The following SOX30 variants were observed in gnomAD, a reference collection of about 807,000 sequenced individuals.
The protein encoded by SOX30 is transcription factor SOX-30.
SOX30 carries 17 observed loss-of-function variants against 58.6 expected under a neutral mutation model. The ratio of observed to expected loss-of-function variants is 0.29; its 90% CI spans 0.20 to 0.44. SOX30 has a LOEUF of 0.44. SOX30 is among the 20% of genes least tolerant of loss of function. SOX30 has a pLI of 1.00. For missense variants in SOX30, 951 were observed against 965.8 expected, an observed-to-expected ratio of 0.98 and a Z score of 0.20; for synonymous variants, 421 against 400.2, an observed-to-expected ratio of 1.05 and a Z score of -0.62.
chr5:157,627,050 G>T (rs1158972409), intron 4 of SOX30, among the ~76,000 whole-genome samples: 1 of 152,190 alleles, frequency 6.6e-6, no homozygotes, highest in Non-Finnish European at 1.5e-5. Flanking sequence ...ATGCAGATGT[G>T]TGTTGAGCTA....
At chr5:157,661,652 A>G (rs914593076) in intron 2 of SOX30, among the ~76,000 whole-genome samples, 1 of 152,360 alleles carries the variant, frequency 6.6e-6, no homozygotes, top group East Asian at 1.9e-4. Flanking sequence ...GATTTATTCT[A>G]TTAATATATG....
chr5:157,667,801 G>A lies in SOX30; in HGVS notation c.49C>T (p.Gln17Ter), dbSNP rs1759700930. 1 of 1,534,852 alleles carries A rather than the reference G, an allele frequency of 6.5e-7. No individual in the cohort carries two copies. Among genetic ancestry groups the A allele is most frequent in the South Asian group, 1.2e-5 (1 of 84,022 alleles). The change falls in exon 2 of 6, where the codon CAA becomes TAA. Residue 17 changes from glutamine (Q) to a stop codon, truncating the protein, a stop_gained. Transcript: ENST00000519442. LOFTEE classifies it high-confidence loss of function. ...ACACACACACACACATACAAACCTT[G>A]CTGGATGCACAGTAGACTTTGTTCC... is the stretch of plus-strand genomic sequence containing the variant.
intron 2 of SOX30, among the ~76,000 whole-genome samples, chr5:157,658,683 A>G (rs1759525837): frequency 1.3e-5 from 2 of 152,186 alleles, no homozygotes; most frequent in African/African-American, 2.4e-5. Context: ...CAGAAGATGG[A>G]TTTTCAACCC....
At chr5:157,631,382 AT>A in intron 4 of SOX30, among the ~76,000 whole-genome samples, 1 of 152,184 alleles carries the variant, frequency 6.6e-6, no homozygotes, top group East Asian at 1.9e-4. Flanking sequence ...CTTTTTAATT[AT>A]TTGATTCTAT....
At chr5:157,637,356 T>C (rs1758955856) in intron 4 of SOX30, among the ~76,000 whole-genome samples, 1 of 152,138 alleles carries the variant, frequency 6.6e-6, no homozygotes, top group African/African-American at 2.4e-5. Context: ...GTCTAGTCAT[T>C]TAACCTAGGT....
intron 4 of SOX30, among the ~76,000 whole-genome samples, chr5:157,635,421 C>G (rs912240983): frequency 1.3e-5 from 2 of 151,972 alleles, no homozygotes; most frequent in African/African-American, 4.8e-5. Flanking sequence ...GTCAGGAGTT[C>G]GAGACCAGCC....
At chr5:157,641,139 A>C (rs1262197317) in intron 3 of SOX30, among the ~76,000 whole-genome samples, 1 of 152,174 alleles carries the variant, frequency 6.6e-6, no homozygotes, top group African/African-American at 2.4e-5. Context: ...TTGTAATCCC[A>C]ACACTTTGGA....
rs181505926 is a variant in SOX30 at position 157,666,078 on chromosome 5, T to C, written c.52+1720A>G. Among the ~76,000 whole-genome samples the C allele has an allele frequency of 2.2e-4, 34 of 152,126 alleles. No homozygotes were observed. In the East Asian group the frequency reaches 5.8e-3, roughly 26 times the overall value. The stretch of plus-strand genomic sequence containing the variant: ...TAGTGAGTGAAGAATGGAGAGGTAT[T>C]GGATGGGAAGATATTGTGGGAGAAA... On this transcript the variant is annotated intron_variant, in intron 2 of 5. Coordinates refer to the SOX30 transcript ENST00000519442.
intron 3 of SOX30, among the ~76,000 whole-genome samples, chr5:157,641,432 GT>G (rs1244853447): frequency 6.6e-6 from 1 of 152,110 alleles, no homozygotes; most frequent in Non-Finnish European, 1.5e-5. Flanking sequence ...GGCCAACATG[GT>G]AAAACCCCAT....
chr5:157,654,059 G>A (rs1274571525), upstream of SOX30, among the ~76,000 whole-genome samples: 3 of 151,906 alleles, frequency 2.0e-5, no homozygotes, highest in African/African-American at 7.3e-5. Flanking sequence ...CCAGCTACTC[G>A]GGAGGCTGAG....
Position 157,638,399 on chromosome 5 carries a change from C to T in SOX30, c.1711G>A (p.Val571Ile), listed in dbSNP as rs370749800. Residue 571 changes from valine to isoleucine, a missense_variant, in exon 4 of 5, where the codon GTT becomes ATT. Physicochemically the swap from Val to Ile is conservative, Grantham distance 29. Around this residue, in one of 7 missense-constraint regions of SOX30, gnomAD observed 381 missense variants for 390.0 expected, o/e 0.98. Coordinates refer to ENST00000265007, the MANE Select transcript of SOX30 (RefSeq NM_178424.2). Reference protein sequence around the residue: ...TIQPPREYSSVSPCPRSAPIP... With the variant: ...TIQPPREYSSISPCPRSAPIP... Reference sequence around the variant, plus strand: ...GGAGCACTTCTGGGACAAGGGGAAACGCTGGAATACTCCCTAGGAGGTTGG... The same window carrying T: ...GGAGCACTTCTGGGACAAGGGGAAATGCTGGAATACTCCCTAGGAGGTTGG... 3.1e-5 allele frequency: 50 copies of T among 1,613,708 alleles called. No homozygotes were observed. The highest frequency in any genetic ancestry group is 2.1e-4 in the African/African-American group (16 of 74,930).
intron 3 of SOX30, among the ~76,000 whole-genome samples, chr5:157,640,497 A>G (rs1417220640): frequency 6.6e-6 from 1 of 152,084 alleles, no homozygotes; most frequent in Admixed American, 6.6e-5. Context: ...TTTTCCATAC[A>G]TGCGCACTGA....
chr5:157,639,445 T>G (rs1759009909), intron 3 of SOX30, among the ~76,000 whole-genome samples: 1 of 152,196 alleles, frequency 6.6e-6, no homozygotes. Context: ...CTTCACTCTA[T>G]TGTATTCAAT....
chr5:157,648,630 G>A (rs1286871286), intron 2 of SOX30, 27 bp downstream of exon 2: 1 of 1,599,520 alleles, frequency 6.3e-7, no homozygotes, highest in South Asian at 1.1e-5. Context: ...TTTAAAAGAA[G>A]TAAGAGGCAT....
chr5:157,635,296 A>G (rs1402085839), intron 4 of SOX30, among the ~76,000 whole-genome samples: 1 of 152,210 alleles, frequency 6.6e-6, no homozygotes, highest in Non-Finnish European at 1.5e-5. Flanking sequence ...TAGCAGTAAT[A>G]GTATTAACAA....
At chr5:157,656,299 G>A (rs540500605), upstream of SOX30, among the ~76,000 whole-genome samples, 7 of 152,216 alleles carry the variant, frequency 4.6e-5, no homozygotes, top group Non-Finnish European at 7.4e-5. Context: ...AGTAATCTTT[G>A]GGAAATGAAG....
chr5:157,659,222 ATTCT>A (rs1759533245), intron 2 of SOX30, among the ~76,000 whole-genome samples: 1 of 152,216 alleles, frequency 6.6e-6, no homozygotes, highest in African/African-American at 2.4e-5. Context: ...CTCATCCTGA[ATTCT>A]TTCTTGTGTG....
chr5:157,649,507 G>C (rs1430507485), intron 1 of SOX30, among the ~76,000 whole-genome samples: 1 of 152,224 alleles, frequency 6.6e-6, no homozygotes, highest in East Asian at 1.9e-4. Context: ...ATAATTTTTT[G>C]GGCCAGGTAC....
intron 1 of SOX30, among the ~76,000 whole-genome samples, chr5:157,668,028 C>T (rs1309190027): frequency 1.3e-5 from 2 of 152,190 alleles, no homozygotes. Context: ...GTGAACCAGG[C>T]CATACGATGC....
Sources: allele counts gnomAD v4.1 joint callset (sites outside exome capture counted in the v4.1 genomes callset), GRCh38; gene constraint gnomAD v4.1.1; regional missense constraint gnomAD v4.1.1; transcripts MANE v1.5; gene names NCBI Gene and HGNC (gene_info 2026-07-23, HGNC 2026-07-21).